The following NRXN1 variants were observed in gnomAD, a reference collection of about 807,000 sequenced individuals.
The protein encoded by NRXN1 is neurexin-1.
A neutral mutation model predicts 150.9 loss-of-function variants in NRXN1; 39 were observed. The ratio of observed to expected loss-of-function variants is 0.26; its 90% CI spans 0.20 to 0.34. NRXN1 has a LOEUF of 0.34. Among genes scored for constraint, NRXN1 ranks in the 10% least tolerant of loss-of-function variants. The probability of loss-of-function intolerance (pLI) is 1.00; values close to 1 mark genes in which losing one functional copy is unlikely to be tolerated. For missense variants in NRXN1, 1,815 were observed against 1,949.9 expected (o/e 0.93, Z 1.30); for synonymous variants, 924 against 757.0 (o/e 1.22, Z -3.62).
At chr2:50,051,847 T>C (rs1692763062) in intron 21 of NRXN1, among the ~76,000 whole-genome samples, 1 of 152,092 alleles carries the variant, frequency 6.6e-6, no homozygotes, top group African/African-American at 2.4e-5. Flanking sequence ...TCAATAAATA[T>C]ATATTTGTGA....
chr2:50,029,127 G>A (rs934570140), intron 21 of NRXN1, among the ~76,000 whole-genome samples: 2 of 152,320 alleles, frequency 1.3e-5, no homozygotes. Context: ...TTTATAAGAG[G>A]CTGAACAAAC....
At chr2:50,929,048 T>C (rs1687338780) in intron 2 of NRXN1, among the ~76,000 whole-genome samples, 1 of 152,074 alleles carries the variant, frequency 6.6e-6, no homozygotes, top group Admixed American at 6.6e-5. Flanking sequence ...ATATCAATCA[T>C]GCTATGAATA....
chr2:50,519,028 G>T (rs1237765335), intron 12 of NRXN1, among the ~76,000 whole-genome samples: 2 of 151,668 alleles, frequency 1.3e-5, no homozygotes, highest in African/African-American at 2.4e-5. Flanking sequence ...CAACTTTATG[G>T]ACCTATTTGC....
intron 17 of NRXN1, among the ~76,000 whole-genome samples, chr2:50,303,680 C>T (rs137917187): frequency 3.3e-5 from 5 of 152,202 alleles, no homozygotes; most frequent in African/African-American, 1.2e-4. Flanking sequence ...CAAAAAATTA[C>T]ATCAAGACAA....
intron 17 of NRXN1, among the ~76,000 whole-genome samples, chr2:50,280,194 C>A (rs1276488212): frequency 6.7e-6 from 1 of 149,296 alleles, no homozygotes; most frequent in Non-Finnish European, 1.5e-5. Flanking sequence ...AGGAGAATGG[C>A]GTGAACACGG....
At chr2:50,466,200 C>T (rs973439912) in intron 16 of NRXN1, among the ~76,000 whole-genome samples, 2 of 151,598 alleles carry the variant, frequency 1.3e-5, no homozygotes, top group Non-Finnish European at 2.9e-5. Context: ...AGAATCATAA[C>T]TAGAACACTG....
chr2:50,552,875 T>A lies in NRXN1; in HGVS notation c.1471A>T (p.Ile491Phe). 6.2e-7 allele frequency: 1 copy of A among 1,613,968 alleles called. No homozygotes were observed. The highest frequency in any genetic ancestry group is 1.1e-5 in the South Asian group (1 of 91,084). The stretch of plus-strand genomic sequence containing the variant: ...TTTGCATTCCATTTAGGCAAAGAGA[T>A]GAAAGACTCTGGGGTTTCAAAGGTG... ...PITFETPESF[I>F]SLPKWNAKKT... The change falls in exon 9 of 23, where the codon ATC (isoleucine) becomes TTC (phenylalanine). Residue 491 changes from isoleucine (I) to phenylalanine (F), a missense_variant. By Grantham distance (21) the Ile-to-Phe change is conservative. This residue lies in a region of NRXN1 where 638 missense variants were observed against 652.6 expected (regional missense o/e 0.98). Transcript: ENST00000401669.
At chr2:50,538,154 G>A in intron 10 of NRXN1, 99 bp downstream of exon 10, 1 of 1,332,398 alleles carries the variant, frequency 7.5e-7, no homozygotes, top group Non-Finnish European at 1.0e-6. Flanking sequence ...TACTTCAGTA[G>A]AGTATACATT....
At chr2:50,175,677 A>G (rs2060309912) in intron 18 of NRXN1, among the ~76,000 whole-genome samples, 3 of 152,136 alleles carry the variant, frequency 2.0e-5, no homozygotes, top group South Asian at 2.1e-4. Context: ...ATTTACAACA[A>G]AGAAAAACTG....
chr2:50,088,868 G>C (rs1573844583), intron 19 of NRXN1, among the ~76,000 whole-genome samples: 1 of 152,032 alleles, frequency 6.6e-6, no homozygotes, highest in Admixed American at 6.6e-5. Context: ...ACTATATTCA[G>C]TACATGGCAT....
intron 5 of NRXN1, among the ~76,000 whole-genome samples, chr2:50,739,961 G>C (rs1699235613): frequency 6.6e-6 from 1 of 152,144 alleles, no homozygotes; most frequent in African/African-American, 2.4e-5. Context: ...GGCAGCATAA[G>C]CACTGTCATC....
At chr2:50,522,256 T>C (rs939362262) in intron 12 of NRXN1, among the ~76,000 whole-genome samples, 13 of 152,176 alleles carry the variant, frequency 8.5e-5, no homozygotes, top group African/African-American at 3.1e-4. Context: ...AATAAGAGAA[T>C]ATCAAGTTTA....
chr2:50,712,925 T>G lies in NRXN1; in HGVS notation c.833-89310A>C, dbSNP rs530844291. Among the ~76,000 whole-genome samples the G allele has an allele frequency of 3.9e-5, 6 of 152,320 alleles. No individual in the cohort carries two copies. In the East Asian group the frequency reaches 1.2e-3, roughly 29 times the overall value. ...CCCCAATTATTCAAATTTAAACATT[T>G]TATCTGATGGAAATGATATCATTTA... On this transcript the variant is annotated intron_variant, in intron 5 of 22. Transcript: ENST00000401669.
At chr2:50,871,255 A>G (rs1677740303) in intron 5 of NRXN1, among the ~76,000 whole-genome samples, 1 of 151,948 alleles carries the variant, frequency 6.6e-6, no homozygotes, top group South Asian at 2.1e-4. Context: ...TTATCTTTAT[A>G]ATTTATCAAT....
intron 2 of NRXN1, among the ~76,000 whole-genome samples, chr2:50,974,112 C>T (rs1240848516): frequency 6.6e-6 from 1 of 152,114 alleles, no homozygotes; most frequent in Admixed American, 6.6e-5. Context: ...GAGGGTGACT[C>T]GTTCAAAGCT....
intron 9 of NRXN1, chr2:50,548,134 G>C (rs1195507704): frequency 6.6e-6 from 1 of 152,180 alleles, no homozygotes; most frequent in Non-Finnish European, 1.5e-5. Flanking sequence ...TTCTTGTCAA[G>C]AGCACACTTA....
intron 2 of NRXN1, among the ~76,000 whole-genome samples, chr2:50,981,688 C>A (rs1211701752): frequency 6.6e-6 from 1 of 151,834 alleles, no homozygotes; most frequent in Non-Finnish European, 1.5e-5. Flanking sequence ...ATATCTTTGA[C>A]AGCTTTTGGC....
At chr2:50,359,971 G>T (rs2079075071) in intron 17 of NRXN1, among the ~76,000 whole-genome samples, 1 of 152,184 alleles carries the variant, frequency 6.6e-6, no homozygotes, top group African/African-American at 2.4e-5. Context: ...TTAAAGAAAA[G>T]AATTTTCAAC....
chr2:50,787,470 G>A (rs1199505641), intron 5 of NRXN1, among the ~76,000 whole-genome samples: 1 of 151,758 alleles, frequency 6.6e-6, no homozygotes, highest in Non-Finnish European at 1.5e-5. Context: ...GGTGGGACAG[G>A]AGAATCGCTT....
Sources: gnomAD v4.1 joint callset for allele counts (sites outside exome capture counted in the v4.1 genomes callset) on GRCh38, gnomAD v4.1.1 for gene constraint, gnomAD v4.1.1 regional missense constraint, MANE v1.5 for transcripts, NCBI Gene and HGNC (gene_info 2026-07-23, HGNC 2026-07-21) for gene names.